The following RELN variants were observed in gnomAD, a reference collection of about 807,000 sequenced individuals.
The protein encoded by RELN is reelin.
A neutral mutation model predicts 427.6 loss-of-function variants in RELN; 108 were observed. That is an observed-to-expected ratio of 0.25 (90% CI 0.22 to 0.30). The LOEUF is 0.30. RELN is among the 10% of genes least tolerant of loss of function. RELN has a pLI of 1.00. For missense variants in RELN, 3,715 were observed against 4,302.8 expected (o/e 0.86, Z 3.82); for synonymous variants, 1,524 against 1,513.4 (o/e 1.01, Z -0.16).
At chr7:103,933,370 G>C (rs535809470) in intron 1 of RELN, among the ~76,000 whole-genome samples, 23 of 152,114 alleles carry the variant, frequency 1.5e-4, no homozygotes, top group African/African-American at 5.3e-4. Flanking sequence ...TCAAACATGA[G>C]AGGGCACTAA....
intron 2 of RELN, among the ~76,000 whole-genome samples, chr7:103,913,323 C>A (rs531367517): frequency 8.5e-5 from 13 of 152,236 alleles, no homozygotes; most frequent in African/African-American, 3.1e-4. Context: ...TCAGAAGTAC[C>A]TATTTAGACT....
chr7:103,781,624 C>A (rs963111226), intron 3 of RELN, among the ~76,000 whole-genome samples: 1 of 152,066 alleles, frequency 6.6e-6, no homozygotes, highest in Non-Finnish European at 1.5e-5. Flanking sequence ...TCCTGTCTAA[C>A]TGAAATTTTG....
intron 1 of RELN, among the ~76,000 whole-genome samples, chr7:103,948,416 T>C (rs1272566415): frequency 6.6e-6 from 1 of 152,166 alleles, no homozygotes; most frequent in Non-Finnish European, 1.5e-5. Flanking sequence ...CTCACGCCTG[T>C]AATCTCAGCA....
chr7:103,890,569 A>C, intron 2 of RELN, among the ~76,000 whole-genome samples: 1 of 151,190 alleles, frequency 6.6e-6, no homozygotes, highest in East Asian at 1.9e-4. Context: ...AACCATCCCC[A>C]CCCCCTACTG....
chr7:103,586,237 C>T (rs1186370390), intron 28 of RELN, among the ~76,000 whole-genome samples: 1 of 152,072 alleles, frequency 6.6e-6, no homozygotes, highest in Non-Finnish European at 1.5e-5. Flanking sequence ...GTGATGCTTG[C>T]CTGTAATCCC....
At chr7:103,845,630 T>C (rs1793655639) in intron 2 of RELN, among the ~76,000 whole-genome samples, 1 of 152,166 alleles carries the variant, frequency 6.6e-6, no homozygotes, top group Admixed American at 6.5e-5. Context: ...ATTCTCCTAA[T>C]TTTCCCCATG....
chr7:103,637,750 CA>C lies in RELN; in HGVS notation c.2070-1283del, dbSNP rs757541959. Among the ~76,000 whole-genome samples, 150 of 152,030 alleles carry C rather than the reference CA, an allele frequency of 9.9e-4. 3 individuals are homozygous for C. The highest frequency in any genetic ancestry group is 4.6e-4 in the Non-Finnish European group (31 of 67,970). On this transcript the variant is annotated intron_variant, in intron 17 of 64. Transcript: ENST00000428762. ...TTAGACTGAATAGCCAAGTTGTTTCCAAAAAAGAATTTTTAAAATCAGCTAA... is the reference window on the plus strand; with the variant it reads ...TTAGACTGAATAGCCAAGTTGTTTCCAAAAAGAATTTTTAAAATCAGCTAA...
chr7:103,734,773 A>G (rs1409655023), intron 6 of RELN, among the ~76,000 whole-genome samples: 6 of 152,198 alleles, frequency 3.9e-5, no homozygotes, highest in South Asian at 2.1e-4. Context: ...AAAAATTCCA[A>G]TTCTATAAAA....
chr7:103,912,860 G>A (rs1795400853), intron 2 of RELN, among the ~76,000 whole-genome samples: 3 of 152,242 alleles, frequency 2.0e-5, no homozygotes, highest in Admixed American at 6.5e-5. Context: ...CGACCACAAT[G>A]AGCCTTGAAG....
chr7:103,813,010 T>C (rs1403925505), intron 3 of RELN, among the ~76,000 whole-genome samples: 1 of 152,210 alleles, frequency 6.6e-6, no homozygotes, highest in Non-Finnish European at 1.5e-5. Context: ...TTTTGTCTTA[T>C]TCTTCATCGG....
intron 27 of RELN, among the ~76,000 whole-genome samples, chr7:103,590,092 G>A (rs1328901908): frequency 6.6e-6 from 1 of 152,198 alleles, no homozygotes; most frequent in Non-Finnish European, 1.5e-5. Context: ...GAAGCACAGT[G>A]TATGTGGTTC....
chr7:103,835,954 C>CTTTTTTTTTTTTTTTTTTTTT (rs10569884), intron 2 of RELN, among the ~76,000 whole-genome samples: 12 of 142,392 alleles, frequency 8.4e-5, no homozygotes, highest in African/African-American at 3.1e-4. Context: ...CTCAATTACC[C>CTTTTTTTTTTTTTTTTTTTTT]TTTTTTTTTT....
intron 40 of RELN, among the ~76,000 whole-genome samples, chr7:103,551,988 T>C (rs1448025046): frequency 6.6e-6 from 1 of 151,854 alleles, no homozygotes; most frequent in East Asian, 1.9e-4. Context: ...TATTAACACA[T>C]TTTCAGCATA....
intron 28 of RELN, among the ~76,000 whole-genome samples, chr7:103,577,942 C>T (rs543477183): frequency 6.6e-6 from 1 of 152,334 alleles, no homozygotes; most frequent in East Asian, 1.9e-4. Flanking sequence ...CAGCTTCAGG[C>T]TCTCTCACCT....
intron 6 of RELN, among the ~76,000 whole-genome samples, chr7:103,746,836 C>T (rs975158513): frequency 4.6e-5 from 7 of 151,652 alleles, no homozygotes; most frequent in African/African-American, 1.5e-4. Context: ...CTAGTTCAAC[C>T]ATTGTGGAAG....
intron 3 of RELN, among the ~76,000 whole-genome samples, chr7:103,798,416 G>A (rs1053214765): frequency 6.6e-6 from 1 of 152,042 alleles, no homozygotes; most frequent in African/African-American, 2.4e-5. Context: ...TGTTATCGTT[G>A]GGAAGACTCA....
intron 2 of RELN, among the ~76,000 whole-genome samples, chr7:103,881,438 G>T (rs557365918): frequency 6.6e-6 from 1 of 152,054 alleles, no homozygotes; most frequent in South Asian, 2.1e-4. Context: ...ATCATCATCA[G>T]AGACAGAAAG....
rs1791617198 is a variant in RELN at position 103,773,118 on chromosome 7, T to TTCTTTCTTTCTTTCTTTCTTTCTTTCTC, written c.544+3438_544+3439insGAGAAAGAAAGAAAGAAAGAAAGAAAGA. The stretch of plus-strand genomic sequence containing the variant: ...TCTCCTCTTTTCTTTCTTTCTTTCT[T>TTCTTTCTTTCTTTCTTTCTTTCTTTCTC]TCTTTCTTTCTTTCTTTCTTTCTTT... On this transcript the variant is annotated intron_variant, in intron 4 of 64. Coordinates refer to ENST00000428762, the MANE Select transcript of RELN (RefSeq NM_005045.4). 8.9e-5 allele frequency among the ~76,000 whole-genome samples: 7 copies of TTCTTTCTTTCTTTCTTTCTTTCTTTCTC among 78,944 alleles called. No individual in the cohort carries two copies. The South Asian group carries it at 3.0e-3, about 34-fold the overall frequency. The allele number at this position is 78,944 out of a possible 152,430, so 51.8% of individuals were successfully genotyped here.
At chr7:103,502,307 G>A (rs962444173) in intron 52 of RELN, among the ~76,000 whole-genome samples, 3 of 152,114 alleles carry the variant, frequency 2.0e-5, no homozygotes, top group Non-Finnish European at 2.9e-5. Flanking sequence ...GGAACTGTGC[G>A]TAAGCACTTT....
Sources: allele counts gnomAD v4.1 joint callset (sites outside exome capture counted in the v4.1 genomes callset), GRCh38; gene constraint gnomAD v4.1.1; transcripts MANE v1.5; gene names NCBI Gene and HGNC (gene_info 2026-07-23, HGNC 2026-07-21).